ATG10: variants seen among roughly 807,000 people sequenced by gnomAD.
ATG10 encodes ubiquitin-like-conjugating enzyme ATG10.
In ATG10, 30 loss-of-function variants were observed where a neutral mutation model predicts 32.1. That is an observed-to-expected ratio of 0.94 (90% confidence interval 0.70 to 1.27). ATG10 has a LOEUF of 1.27. Ranked by LOEUF, ATG10 falls within the 50% of genes most tolerant of loss-of-function variation. The pLI is 0.00. For missense variants in ATG10, 233 were observed against 262.3 expected, an observed-to-expected ratio of 0.89 and a Z score of 0.77; for synonymous variants, 87 against 91.5, an observed-to-expected ratio of 0.95 and a Z score of 0.28.
chr5:82,121,627 C>T (rs1766042115), intron 3 of ATG10, among the ~76,000 whole-genome samples: 1 of 152,094 alleles, frequency 6.6e-6, no homozygotes, highest in Non-Finnish European at 1.5e-5. Flanking sequence ...TAATTTGAGG[C>T]TCTTATTCCT....
At chr5:82,163,025 C>A (rs1404200260) in intron 3 of ATG10, among the ~76,000 whole-genome samples, 2 of 151,206 alleles carry the variant, frequency 1.3e-5, no homozygotes, top group South Asian at 2.1e-4. Context: ...ATTTTTACCA[C>A]CAAGATAGAA....
At chr5:82,147,887 T>G (rs1439869922) in intron 3 of ATG10, 1 of 152,380 alleles carries the variant, frequency 6.6e-6, no homozygotes, top group Non-Finnish European at 1.5e-5. Flanking sequence ...AGGGAAAAAC[T>G]GCAAAAACCA....
chr5:81,987,313 CAG>C lies in ATG10; in HGVS notation c.-12-243_-12-242del, dbSNP rs879267575. ...AACTGTATTTTAGTTTGTATATAGACAGAGTCTTGCTGTGTTGACCAGGCTGG... is the reference window on the plus strand; with the variant it reads ...AACTGTATTTTAGTTTGTATATAGACAGTCTTGCTGTGTTGACCAGGCTGG... On this transcript the variant is annotated intron_variant, in intron 1 of 7. Transcript: ENST00000282185. 3.2e-4 allele frequency among the ~76,000 whole-genome samples: 48 copies of C among 152,126 alleles called. 1 individual carries two copies. Among genetic ancestry groups the C allele is most frequent in the South Asian group, 1.2e-3 (6 of 4,818 alleles).
intron 5 of ATG10, among the ~76,000 whole-genome samples, chr5:82,211,103 ACTT>A (rs1232621928): frequency 2.6e-5 from 4 of 152,148 alleles, no homozygotes; most frequent in African/African-American, 9.7e-5. Flanking sequence ...CATAAAGAAA[ACTT>A]CTGGGTTTTA....
chr5:82,094,674 A>G (rs1764995987), intron 3 of ATG10, among the ~76,000 whole-genome samples: 1 of 152,154 alleles, frequency 6.6e-6, no homozygotes, highest in Non-Finnish European at 1.5e-5. Context: ...AATAACTTGA[A>G]TGTCAATTAT....
chr5:82,163,677 C>A (rs1448054815), intron 3 of ATG10, among the ~76,000 whole-genome samples: 1 of 152,084 alleles, frequency 6.6e-6, no homozygotes, highest in Non-Finnish European at 1.5e-5. Context: ...CAGTAAGGTA[C>A]ATTCTTTTAA....
chr5:82,016,634 G>A (rs1762293596), intron 2 of ATG10, among the ~76,000 whole-genome samples: 1 of 151,492 alleles, frequency 6.6e-6, no homozygotes, highest in Non-Finnish European at 1.5e-5. Flanking sequence ...GTGGTATTTT[G>A]ATGGGAATTG....
At position 81,998,425 on chromosome 5, in the gene ATG10, A is replaced by G. The variant is rs114452044; in HGVS notation, c.108+10747A>G. 4.4e-3 allele frequency among the ~76,000 whole-genome samples: 670 copies of G among 152,346 alleles called. 4 individuals are homozygous for G. The highest frequency in any genetic ancestry group is 0.015 in the African/African-American group (629 of 41,574). On this transcript the variant is annotated intron_variant, in intron 2 of 7. Coordinates refer to ENST00000282185, the MANE Select transcript of ATG10 (RefSeq NM_031482.5). ...AAAGGAAAGACTGTTACTGGCCACTATAAAAACACACTTAAGTACATAGAC... is the reference window on the plus strand; with the variant it reads ...AAAGGAAAGACTGTTACTGGCCACTGTAAAAACACACTTAAGTACATAGAC...
intron 2 of ATG10, among the ~76,000 whole-genome samples, chr5:82,035,585 T>C (rs1762894396): frequency 6.6e-6 from 1 of 152,086 alleles, no homozygotes; most frequent in South Asian, 2.1e-4. Context: ...AAAAGTTACA[T>C]ATTTTTAGAT....
chr5:82,027,095 TAAATA>T (rs1032325018), intron 2 of ATG10, among the ~76,000 whole-genome samples: 2 of 150,930 alleles, frequency 1.3e-5, no homozygotes, highest in Non-Finnish European at 3.0e-5. Flanking sequence ...AATAAATAAA[TAAATA>T]AATAAATAAA....
intron 3 of ATG10, among the ~76,000 whole-genome samples, chr5:82,105,173 A>C (rs889285851): frequency 6.6e-6 from 1 of 152,288 alleles, no homozygotes; most frequent in South Asian, 2.1e-4. Context: ...TACTGTAAGG[A>C]ATGCAAAAAG....
intron 3 of ATG10, among the ~76,000 whole-genome samples, chr5:82,089,090 G>T (rs560017735): frequency 5.5e-4 from 84 of 152,288 alleles, no homozygotes; most frequent in Non-Finnish European, 3.1e-4. Context: ...GGTGGCTCAC[G>T]CCTGTAATCC....
intron 5 of ATG10, among the ~76,000 whole-genome samples, chr5:82,220,707 G>A (rs1395010004): frequency 1.3e-5 from 2 of 149,838 alleles, no homozygotes; most frequent in Non-Finnish European, 3.0e-5. Flanking sequence ...TTGGCTCTCT[G>A]CAAGCTCTGC....
chr5:82,056,032 A>G (rs933946441), intron 2 of ATG10, among the ~76,000 whole-genome samples: 5 of 152,182 alleles, frequency 3.3e-5, no homozygotes, highest in African/African-American at 1.2e-4. Flanking sequence ...TGTTTGTACA[A>G]TGACAGAATA....
Position 82,041,021 on chromosome 5 carries a change from G to T in ATG10, c.109-17474G>T, listed in dbSNP as rs1310399332. On this transcript the variant is annotated intron_variant, in intron 2 of 7. Coordinates refer to ENST00000282185, the MANE Select transcript of ATG10 (RefSeq NM_031482.5). ...TATTCAAATGTCAAGACTTATGAGA[G>T]GGTTTTTCAGGTTATTTATATGAAA... Among the ~76,000 whole-genome samples, 3 of 152,088 alleles carry T rather than the reference G, an allele frequency of 2.0e-5. No homozygotes were observed. In the South Asian group the frequency reaches 6.2e-4, roughly 32 times the overall value.
At chr5:82,144,595 A>G (rs10050556) in intron 3 of ATG10, among the ~76,000 whole-genome samples, 52,030 of 151,490 alleles carry the variant, frequency 0.34, 10,259 homozygotes, top group East Asian at 0.76. Context: ...ATATTGTTTT[A>G]TTTTAAAATA....
chr5:81,989,685 G>A (rs571980983), intron 2 of ATG10, among the ~76,000 whole-genome samples: 2 of 151,346 alleles, frequency 1.3e-5, no homozygotes, highest in South Asian at 4.2e-4. Context: ...TGCAAGCTCC[G>A]CTTCCCGGGT....
chr5:82,000,580 C>G (rs1295033677), intron 2 of ATG10, among the ~76,000 whole-genome samples: 1 of 152,194 alleles, frequency 6.6e-6, no homozygotes, highest in Non-Finnish European at 1.5e-5. Context: ...ATGGTCTCTG[C>G]CCAAAAGCTC....
intron 5 of ATG10, among the ~76,000 whole-genome samples, chr5:82,244,021 T>C (rs1390962604): frequency 6.6e-6 from 1 of 152,062 alleles, no homozygotes; most frequent in Non-Finnish European, 1.5e-5. Flanking sequence ...GACTATCACA[T>C]AGTAGGGCCA....
Sources: allele counts gnomAD v4.1 joint callset (sites outside exome capture counted in the v4.1 genomes callset), GRCh38; gene constraint gnomAD v4.1.1; transcripts MANE v1.5; gene names NCBI Gene and HGNC (gene_info 2026-07-23, HGNC 2026-07-21).